Variants in AHNAK observed in about 807,000 individuals in gnomAD.
The protein encoded by AHNAK is AHNAK nucleoprotein, also known as neuroblast differentiation-associated protein AHNAK.
In AHNAK, 23 loss-of-function variants were observed where a neutral mutation model predicts 37.8. The ratio of observed to expected loss-of-function variants is 0.61; its 90% confidence interval spans 0.44 to 0.86. The LOEUF (loss-of-function observed/expected upper bound fraction) is 0.86. Among genes scored for constraint, AHNAK ranks in the 40% least tolerant of loss-of-function variants. The pLI is 0.00. For missense variants in AHNAK, 7,411 were observed against 7,319.4 expected, an observed-to-expected ratio of 1.01 and a Z score of -0.46; for synonymous variants, 2,481 against 2,636.3, an observed-to-expected ratio of 0.94 and a Z score of 1.80.
In AHNAK at chr11:62,526,907, G is replaced by T. The variant is rs201307372; in HGVS notation, c.7510C>A (p.Pro2504Thr). The T allele has an allele frequency of 1.2e-6, 2 of 1,614,204 alleles. No individual in the cohort carries two copies. The highest frequency in any genetic ancestry group is 2.7e-5 in the African/African-American group (2 of 75,032). ...TTGGGCATCTTCAGGTGCCAGTCTG[G>T]AGCTTGGACATCGGGGGCATTTACA... ...VDVNAPDVQAPDWHLKMPKMK... is the reference protein window; with the variant it reads ...VDVNAPDVQATDWHLKMPKMK... Residue 2504 changes from proline (P) to threonine (T), a missense_variant, in exon 5 of 5, where the codon CCA (proline) becomes ACA (threonine). Pro to Thr is a conservative substitution (Grantham distance 38). Coordinates refer to ENST00000378024, the MANE Select transcript of AHNAK (RefSeq NM_001620.3).
At chr11:62,536,981 G>A (rs1488677254) in intron 1 of AHNAK, among the ~76,000 whole-genome samples, 2 of 150,762 alleles carry the variant, frequency 1.3e-5, no homozygotes, top group Admixed American at 1.3e-4. Context: ...TTGAGACAGA[G>A]TCTCGTTCTG....
At chr11:62,454,422 AAAAAAAG>A (rs746679351) in intron 5 of AHNAK, among the ~76,000 whole-genome samples, 8,587 of 149,392 alleles carry the variant, frequency 0.057, 297 homozygotes, top group Admixed American at 0.08. Context: ...CAAAAAAAAA[AAAAAAAG>A]AAAAGAAAAG....
At chr11:62,457,783 G>A (rs747027932) in intron 5 of AHNAK, among the ~76,000 whole-genome samples, 5 of 152,228 alleles carry the variant, frequency 3.3e-5, no homozygotes, top group Non-Finnish European at 5.9e-5. Flanking sequence ...CCACCAGAGA[G>A]AGGAGGGAGG....
At chr11:62,468,967 A>G (rs1938974685) in intron 5 of AHNAK, among the ~76,000 whole-genome samples, 1 of 152,246 alleles carries the variant, frequency 6.6e-6, no homozygotes, top group Non-Finnish European at 1.5e-5. Context: ...GCATGATTCT[A>G]GAACTGCAAA....
In AHNAK at chr11:62,439,853, A is replaced by C. The variant is rs375477384; in HGVS notation, c.443-5962T>G. Among the ~76,000 whole-genome samples, 657 of 151,688 alleles carry C rather than the reference A, an allele frequency of 4.3e-3. 6 individuals carry two copies. Among genetic ancestry groups the C allele is most frequent in the African/African-American group, 0.015 (631 of 41,350 alleles). ...TGACTAATTCTTGTATTTTTAGTGGAGATGAGGTTTTGCCATGTTAGCCAG... is the reference window on the plus strand; with the variant it reads ...TGACTAATTCTTGTATTTTTAGTGGCGATGAGGTTTTGCCATGTTAGCCAG... On this transcript the variant is annotated intron_variant, in intron 5 of 5. Coordinates refer to the AHNAK transcript ENST00000257247.
At chr11:62,446,353 G>A (rs1343977840) in intron 5 of AHNAK, among the ~76,000 whole-genome samples, 125 of 152,074 alleles carry the variant, frequency 8.2e-4, no homozygotes, top group Non-Finnish European at 1.3e-4. Flanking sequence ...AGGATCTGGT[G>A]GCTCTGTGCT....
intron 5 of AHNAK, among the ~76,000 whole-genome samples, chr11:62,464,575 G>A (rs750839508): frequency 1.1e-4 from 17 of 152,088 alleles, no homozygotes; most frequent in Non-Finnish European, 2.5e-4. Flanking sequence ...GGCTGAGGCA[G>A]GAGAATCACT....
chr11:62,451,464 G>T (rs527266578), intron 5 of AHNAK, among the ~76,000 whole-genome samples: 1 of 151,652 alleles, frequency 6.6e-6, no homozygotes, highest in East Asian at 1.9e-4. Flanking sequence ...TTGGCCAGGC[G>T]CGATGGCTCA....
At chr11:62,534,261 G>A (rs1940873249) in intron 4 of AHNAK, among the ~76,000 whole-genome samples, 187 bp from the exon 5 acceptor site, 1 of 152,240 alleles carries the variant, frequency 6.6e-6, no homozygotes, top group African/African-American at 2.4e-5. Flanking sequence ...CACATCACAG[G>A]AGGAAATCAG....
chr11:62,443,921 G>T (rs78399380), intron 5 of AHNAK, among the ~76,000 whole-genome samples: 1 of 152,326 alleles, frequency 6.6e-6, no homozygotes, highest in East Asian at 1.9e-4. Flanking sequence ...GCCTTATGAG[G>T]CACCAGCAGT....
chr11:62,433,875 T>A, exon 6 of AHNAK: 1 of 1,613,990 alleles, frequency 6.2e-7, no homozygotes, highest in Non-Finnish European at 8.5e-7. Flanking sequence ...GTTTTCTTCC[T>A]GGCCGCTTCT....
Position 62,519,638 on chromosome 11 carries a change from C to T in AHNAK, c.14779G>A (p.Ala4927Thr), listed in dbSNP as rs762623832. 1.2e-5 allele frequency: 19 copies of T among 1,613,612 alleles called. No homozygotes were observed. The highest frequency in any genetic ancestry group is 1.6e-4 in the Middle Eastern group (1 of 6,084). Residue 4927 changes from alanine to threonine, a missense_variant, in exon 5 of 5, where the codon GCA (alanine) becomes ACA (threonine). Transcript: ENST00000378024. ...TAPDVDLHLK[A>T]PKIGFSGPKL... ...GGACCTGAAAATCCAATTTTTGGTG[C>T]CTTGAGATGCAAATCAACATCAGGA...
At chr11:62,484,861 C>T (rs1939357067) in intron 5 of AHNAK, among the ~76,000 whole-genome samples, 1 of 152,206 alleles carries the variant, frequency 6.6e-6, no homozygotes, top group Non-Finnish European at 1.5e-5. Context: ...GTGATCTCAG[C>T]TCACCACAAC....
chr11:62,535,647 TAAA>T (rs1260048475), intron 3 of AHNAK, among the ~76,000 whole-genome samples: 3 of 126,852 alleles, frequency 2.4e-5, no homozygotes, highest in African/African-American at 2.9e-5. Context: ...AAACTCCATC[TAAA>T]AAAAAAAAAA....
chr11:62,482,424 T>A (rs1426694118), intron 5 of AHNAK, among the ~76,000 whole-genome samples: 1 of 127,648 alleles, frequency 7.8e-6, no homozygotes, highest in Non-Finnish European at 1.7e-5. Flanking sequence ...AAAAAAAAAA[T>A]GTAGTATTTA....
chr11:62,534,846 C>G (rs1940889655), intron 4 of AHNAK, among the ~76,000 whole-genome samples, 157 bp downstream of exon 4: 1 of 152,158 alleles, frequency 6.6e-6, no homozygotes, highest in Non-Finnish European at 1.5e-5. Context: ...CGGAAAGAAA[C>G]AGGGTGGCCA....
At position 62,523,135 on chromosome 11, in the gene AHNAK, C is replaced by T. The variant is rs528156167; in HGVS notation, c.11282G>A (p.Gly3761Asp). 7 of 1,613,974 alleles carry T rather than the reference C, an allele frequency of 4.3e-6. No homozygotes were observed. Among genetic ancestry groups the T allele is most frequent in the African/African-American group, 4.0e-5 (3 of 74,958 alleles). Residue 3761 changes from glycine (G) to aspartate (D), a missense_variant, in exon 5 of 5, where the codon GGC becomes GAC. Gly to Asp is a moderately conservative substitution (Grantham distance 94). Transcript: ENST00000378024. The part of the protein sequence containing the change: ...DLNLKGPKVK[G>D]DVDVSLPKME... ...TTTGGGCAGAGAAACATCCACATCG[C>T]CCTTGACTTTGGGGCCCTTCAGGTT...
chr11:62,499,783 G>C (rs1356346775), intron 4 of AHNAK, among the ~76,000 whole-genome samples: 1 of 152,246 alleles, frequency 6.6e-6, no homozygotes, highest in Non-Finnish European at 1.5e-5. Context: ...GGAGGACAGA[G>C]GATAGCTGGT....
At position 62,522,133 on chromosome 11, in the gene AHNAK, T is replaced by G; in HGVS notation, c.12284A>C (p.Lys4095Thr). 1.2e-6 allele frequency: 2 copies of G among 1,613,942 alleles called. No homozygotes were observed. The highest frequency in any genetic ancestry group is 2.2e-5 in the South Asian group (2 of 91,082). The change falls in exon 5 of 5, where the codon AAA becomes ACA. Residue 4095 changes from lysine (K) to threonine (T), a missense_variant. Lys to Thr is a moderately conservative substitution (Grantham distance 78). Transcript: ENST00000378024. ...AATATCAGGAGTGTCAATGTCCACT[T>G]TGGGTCCTGAGACATCAATGTCAGC... ...PKADIDVSGP[K>T]VDIDTPDIDI...
Sources: gnomAD v4.1 joint callset for allele counts (sites outside exome capture counted in the v4.1 genomes callset) on GRCh38, gnomAD v4.1.1 for gene constraint, MANE v1.5 for transcripts, NCBI Gene and HGNC (gene_info 2026-07-23, HGNC 2026-07-21) for gene names.